Variants in ATP8B4 observed in about 807,000 individuals in gnomAD.
ATP8B4 encodes the protein ATPase phospholipid transporting 8B4 (putative).
A neutral mutation model predicts 145.6 loss-of-function variants in ATP8B4; 133 were observed. The ratio of observed to expected loss-of-function variants is 0.91; its 90% CI spans 0.79 to 1.05. The LOEUF (loss-of-function observed/expected upper bound fraction) is 1.05. Among genes scored for constraint, ATP8B4 ranks in the 50% least tolerant of loss-of-function variants. The probability of loss-of-function intolerance (pLI) is 0.00; values close to 1 mark genes in which losing one functional copy is unlikely to be tolerated. For synonymous variants in ATP8B4, 507 were observed against 492.9 expected (o/e 1.03, Z -0.38); for missense variants, 1,458 against 1,425.2 (o/e 1.02, Z -0.37).
chr15:49,967,815 A>G (rs1398498593), intron 13 of ATP8B4, among the ~76,000 whole-genome samples: 1 of 152,222 alleles, frequency 6.6e-6, no homozygotes, highest in East Asian at 1.9e-4. Flanking sequence ...TCCAAGACAC[A>G]TACTCATCAG....
intron 1 of ATP8B4, among the ~76,000 whole-genome samples, chr15:50,142,138 G>A (rs771572501): frequency 3.9e-4 from 59 of 152,302 alleles, no homozygotes; most frequent in Admixed American, 2.2e-3. Flanking sequence ...GGTTGTGTGG[G>A]ACTCAGGAGT....
chr15:50,089,867 T>C (rs1007123745), intron 2 of ATP8B4, among the ~76,000 whole-genome samples: 7 of 152,108 alleles, frequency 4.6e-5, no homozygotes, highest in Non-Finnish European at 8.8e-5. Flanking sequence ...ACTAGGTATA[T>C]ACCCGAAGGA....
intron 6 of ATP8B4, 53 bp downstream of exon 6, chr15:50,038,715 C>T: frequency 7.4e-7 from 1 of 1,356,516 alleles, no homozygotes; most frequent in Non-Finnish European, 1.0e-6. Context: ...TCGTCAAGAG[C>T]TGTTTCAGGG....
rs973472349 is a variant in ATP8B4, at chr15:50,131,751, ATAT to A, written c.-42-24746_-42-24744del. Among the ~76,000 whole-genome samples the A allele has an allele frequency of 9.3e-5, 10 of 107,354 alleles. No individual in the cohort carries two copies. In the South Asian group the frequency reaches 1.7e-3, roughly 18 times the overall value. The allele number at this position is 107,354 out of a possible 152,430, so 70.4% of individuals were successfully genotyped here. A position where few individuals can be genotyped will look rare whatever the true frequency, so the allele number is the denominator to read the frequency against. On this transcript the variant is annotated intron_variant, in intron 1 of 3. Transcript: ENST00000558829. Reference sequence around the variant, plus strand: ...ATTTATATATTATTATATTCATATAATATTATATTATACTAATATTAACTGAAA... The same window carrying A: ...ATTTATATATTATTATATTCATATAATATATTATACTAATATTAACTGAAA...
chr15:49,877,850 G>C (rs2034724988), intron 24 of ATP8B4, among the ~76,000 whole-genome samples: 1 of 152,152 alleles, frequency 6.6e-6, no homozygotes, highest in South Asian at 2.1e-4. Context: ...ATAAAATAAT[G>C]ATAATAACAA....
intron 6 of ATP8B4, among the ~76,000 whole-genome samples, chr15:50,037,290 A>G (rs2050910722): frequency 6.6e-6 from 1 of 152,242 alleles, no homozygotes; most frequent in African/African-American, 2.4e-5. Context: ...ACGTATTAAC[A>G]TCAGATCTAA....
chr15:50,126,769 C>A (rs1360927203), intron 1 of ATP8B4, among the ~76,000 whole-genome samples: 2 of 152,108 alleles, frequency 1.3e-5, no homozygotes, highest in Non-Finnish European at 2.9e-5. Flanking sequence ...TAGCTTGAAA[C>A]AATAGCCAAA....
At position 50,165,107 on chromosome 15, in the gene ATP8B4, C is replaced by T. The variant is rs141681539; in HGVS notation, c.-43+17154G>A. Among the ~76,000 whole-genome samples, 362 of 151,676 alleles carry T rather than the reference C, an allele frequency of 2.4e-3. 1 individual carries two copies. The highest frequency in any genetic ancestry group is 8.4e-3 in the African/African-American group (348 of 41,326). ...CTCTGTTACCCATGCTGAAGTCCAG[C>T]GGAACGATCTTGGCTTACTGAAACC... On this transcript the variant is annotated intron_variant, in intron 1 of 3. Coordinates refer to the ATP8B4 transcript ENST00000558829.
intron 1 of ATP8B4, among the ~76,000 whole-genome samples, chr15:50,171,769 C>G (rs1278321659): frequency 6.6e-6 from 1 of 151,686 alleles, no homozygotes; most frequent in Non-Finnish European, 1.5e-5. Flanking sequence ...ATACATGAAA[C>G]AAAAATCTGG....
In ATP8B4 at chr15:49,979,090, A is replaced by C. The variant is rs187519921; in HGVS notation, c.1034+527T>G. On this transcript the variant is annotated intron_variant, in intron 12 of 27. Coordinates refer to ENST00000284509, the MANE Select transcript of ATP8B4 (RefSeq NM_024837.4). Reference sequence around the variant, plus strand: ...GTGTCAGGAATTCTTAGAGCTTTATAGACATGTATTCACTCCTCATACAAT... The same window carrying C: ...GTGTCAGGAATTCTTAGAGCTTTATCGACATGTATTCACTCCTCATACAAT... 9.1e-4 allele frequency among the ~76,000 whole-genome samples: 139 copies of C among 152,214 alleles called. 1 individual carries two copies. The highest frequency in any genetic ancestry group is 8.3e-4 in the South Asian group (4 of 4,822).
At chr15:50,088,638 TAGA>T (rs2055382750) in intron 2 of ATP8B4, among the ~76,000 whole-genome samples, 1 of 152,194 alleles carries the variant, frequency 6.6e-6, no homozygotes. Context: ...CCACCCAATG[TAGA>T]AGATTATTTA....
At chr15:50,154,715 C>G (rs775697205) in intron 1 of ATP8B4, among the ~76,000 whole-genome samples, 57 of 151,802 alleles carry the variant, frequency 3.8e-4, no homozygotes, top group Non-Finnish European at 6.9e-4. Context: ...CACTCTGTCA[C>G]CCAGGCTGGA....
At chr15:50,095,013 T>C (rs1233474251) in intron 2 of ATP8B4, among the ~76,000 whole-genome samples, 1 of 151,808 alleles carries the variant, frequency 6.6e-6, no homozygotes, top group Non-Finnish European at 1.5e-5. Context: ...TTGTAAGCAA[T>C]ATAGAAGCCA....
At chr15:50,075,585 G>A (rs947226745) in intron 2 of ATP8B4, among the ~76,000 whole-genome samples, 4 of 152,154 alleles carry the variant, frequency 2.6e-5, no homozygotes, top group East Asian at 1.9e-4. Flanking sequence ...TTTCTAGTCC[G>A]GCTCAACTAA....
intron 23 of ATP8B4, among the ~76,000 whole-genome samples, chr15:49,889,454 A>T (rs1249066119): frequency 6.6e-6 from 1 of 152,230 alleles, no homozygotes; most frequent in African/African-American, 2.4e-5. Context: ...TTCACTGTAC[A>T]TCTCAAGCCA....
At chr15:49,917,285 C>A in intron 19 of ATP8B4, 1 of 425,512 alleles carries the variant, frequency 2.4e-6, no homozygotes, top group Non-Finnish European at 4.2e-6. Context: ...GTGCAGCCTT[C>A]TCATCTAGTT....
intron 2 of ATP8B4, among the ~76,000 whole-genome samples, chr15:50,075,639 T>C (rs931681254): frequency 5.3e-5 from 8 of 152,180 alleles, no homozygotes; most frequent in Non-Finnish European, 1.2e-4. Flanking sequence ...CAGTTGATGA[T>C]ACCTAAATGG....
intron 4 of ATP8B4, among the ~76,000 whole-genome samples, chr15:50,045,471 A>T (rs1425171716): frequency 6.6e-6 from 1 of 152,154 alleles, no homozygotes; most frequent in Non-Finnish European, 1.5e-5. Context: ...TTCAAATGGG[A>T]TTCATTTGAA....
chr15:50,147,617 C>T (rs1595646984), intron 1 of ATP8B4, among the ~76,000 whole-genome samples: 1 of 152,020 alleles, frequency 6.6e-6, no homozygotes, highest in Non-Finnish European at 1.5e-5. Context: ...CAAGGTGATC[C>T]TGGAACATCT....
Sources: allele counts gnomAD v4.1 joint callset (sites outside exome capture counted in the v4.1 genomes callset), GRCh38; gene constraint gnomAD v4.1.1; transcripts MANE v1.5; gene names NCBI Gene and HGNC (gene_info 2026-07-23, HGNC 2026-07-21).